Variants in IL1RAPL1 observed in about 807,000 individuals in gnomAD.
The protein encoded by IL1RAPL1 is interleukin 1 receptor accessory protein like 1.
Under a neutral mutation model 48.4 loss-of-function variants are expected in IL1RAPL1, and 3 were observed. The ratio of observed to expected loss-of-function variants is 0.06; its 90% confidence interval spans 0.03 to 0.16. IL1RAPL1 has a LOEUF of 0.16. Among genes scored for constraint, IL1RAPL1 ranks in the 10% least tolerant of loss-of-function variants. The probability of loss-of-function intolerance (pLI) is 1.00; values close to 1 mark genes in which losing one functional copy is unlikely to be tolerated. For synonymous variants in IL1RAPL1, 185 were observed against 187.7 expected (o/e 0.99, Z 0.12); for missense variants, 349 against 530.6 (o/e 0.66, Z 3.36).
chrX:29,817,357 T>A (rs761422755), intron 6 of IL1RAPL1, among the ~76,000 whole-genome samples: 1 of 112,052 alleles, frequency 8.9e-6, no homozygotes, highest in East Asian at 2.8e-4. Flanking sequence ...CAAGTATAGT[T>A]TTTCTGTTGA....
intron 2 of IL1RAPL1, among the ~76,000 whole-genome samples, chrX:29,049,718 TATTA>T (rs766255162): frequency 8.9e-6 from 1 of 112,587 alleles, no homozygotes; most frequent in East Asian, 2.8e-4. Flanking sequence ...GTTTCACATA[TATTA>T]ATTAAACTGA....
At chrX:29,680,311 G>T (rs886527206) in intron 6 of IL1RAPL1, among the ~76,000 whole-genome samples, 1 of 111,705 alleles carries the variant, frequency 9.0e-6, no homozygotes, top group Admixed American at 9.5e-5. Flanking sequence ...GGCATACAGG[G>T]TGAAGGAATA....
At chrX:29,896,234 T>C (rs185908348) in intron 6 of IL1RAPL1, among the ~76,000 whole-genome samples, 1 of 112,141 alleles carries the variant, frequency 8.9e-6, no homozygotes, top group African/African-American at 3.2e-5. Flanking sequence ...AAGGACCTCA[T>C]TACTTAGCAC....
At chrX:28,683,447 G>A (rs1407053652) in intron 1 of IL1RAPL1, among the ~76,000 whole-genome samples, 3 of 111,195 alleles carry the variant, frequency 2.7e-5, no homozygotes, top group Middle Eastern at 4.3e-3. Context: ...TTTTGAAATG[G>A]AGGAGACCTG....
chrX:29,802,886 T>C (rs191912153), intron 6 of IL1RAPL1, among the ~76,000 whole-genome samples: 327 of 84,076 alleles, frequency 3.9e-3, no homozygotes, highest in African/African-American at 0.015. Context: ...TATATGTATA[T>C]ATGTATACAT....
At chrX:29,302,324 G>C (rs1245642134) in intron 3 of IL1RAPL1, among the ~76,000 whole-genome samples, 1 of 112,019 alleles carries the variant, frequency 8.9e-6, no homozygotes, top group Non-Finnish European at 1.9e-5. Flanking sequence ...TGATATGACA[G>C]AGGTTACAAC....
intron 3 of IL1RAPL1, among the ~76,000 whole-genome samples, chrX:29,320,519 A>C (rs1424805817): frequency 8.9e-6 from 1 of 112,337 alleles, no homozygotes; most frequent in Non-Finnish European, 1.9e-5. Context: ...TCATGCCTGT[A>C]ATCCCAGCGA....
At position 28,715,805 on chromosome X, in the gene IL1RAPL1, AG is replaced by A. The variant is rs201309243; in HGVS notation, c.-24-73511del. ...GAAACTATTCCAAAAAATTGAAAAAAGGGGACTCTTCCCTAACTCATTCTAT... is the reference window on the plus strand; with the variant it reads ...GAAACTATTCCAAAAAATTGAAAAAAGGGACTCTTCCCTAACTCATTCTAT... On this transcript the variant is annotated intron_variant, in intron 1 of 10. Coordinates refer to ENST00000378993, the MANE Select transcript of IL1RAPL1 (RefSeq NM_014271.4). Among the ~76,000 whole-genome samples, 418 of 111,640 alleles carry A rather than the reference AG, an allele frequency of 3.7e-3. 5 individuals carry two copies. Among genetic ancestry groups the A allele is most frequent in the African/African-American group, 0.013 (399 of 30,730 alleles).
chrX:29,072,219 A>G (rs942259762), intron 2 of IL1RAPL1, among the ~76,000 whole-genome samples: 12 of 108,671 alleles, frequency 1.1e-4, no homozygotes, highest in Non-Finnish European at 1.9e-4. Flanking sequence ...TCCTTTACTC[A>G]TTAAGGAAAA....
chrX:29,907,866 A>G (rs1201992937), intron 6 of IL1RAPL1, among the ~76,000 whole-genome samples: 1 of 111,239 alleles, frequency 9.0e-6, no homozygotes, highest in African/African-American at 3.3e-5. Flanking sequence ...TATTGCTAGT[A>G]TAAATAGGAT....
chrX:29,679,033 C>A (rs1231935648), intron 6 of IL1RAPL1, among the ~76,000 whole-genome samples: 1 of 111,532 alleles, frequency 9.0e-6, no homozygotes, highest in African/African-American at 3.3e-5. Context: ...CTTGGACTTG[C>A]CTGTTGAAGA....
At chrX:29,568,468 C>T (rs1339411564) in intron 5 of IL1RAPL1, among the ~76,000 whole-genome samples, 1 of 110,338 alleles carries the variant, frequency 9.1e-6, no homozygotes, top group African/African-American at 3.3e-5. Flanking sequence ...ATTGTGTACA[C>T]AGGAGCTTTT....
intron 5 of IL1RAPL1, among the ~76,000 whole-genome samples, chrX:29,608,804 C>A (rs997379028): frequency 1.9e-5 from 2 of 107,010 alleles, no homozygotes; most frequent in East Asian, 5.9e-4. Context: ...CCAGCCTGGG[C>A]GACAGAGCGA....
chrX:29,729,881 G>T (rs1927873025), intron 6 of IL1RAPL1, among the ~76,000 whole-genome samples: 1 of 111,496 alleles, frequency 9.0e-6, no homozygotes, highest in Non-Finnish European at 1.9e-5. Context: ...AAAATAGCTT[G>T]GTCATGCTTG....
intron 5 of IL1RAPL1, among the ~76,000 whole-genome samples, chrX:29,566,140 C>T (rs377335163): frequency 1.5e-4 from 17 of 111,547 alleles, no homozygotes; most frequent in African/African-American, 4.2e-4. Context: ...GGGGTTTCAC[C>T]GTGTTAGCCA....
intron 1 of IL1RAPL1, among the ~76,000 whole-genome samples, chrX:28,707,944 G>A (rs931773914): frequency 2.7e-5 from 3 of 111,553 alleles, no homozygotes; most frequent in Non-Finnish European, 5.6e-5. Flanking sequence ...AGTGCGGTTG[G>A]CAGAGTGTCT....
Position 28,694,015 on chromosome X carries a change from T to C in IL1RAPL1, c.-24-95305T>C, listed in dbSNP as rs1160029534. 3.6e-5 allele frequency among the ~76,000 whole-genome samples: 4 copies of C among 112,022 alleles called. No individual in the cohort carries two copies. The East Asian group carries it at 1.1e-3, about 31-fold the overall frequency. ...ATCTTTCCTACCTCTGGTTGAGTAC[T>C]TGCCCAGTTACACTTGTCGAACACG... On this transcript the variant is annotated intron_variant, in intron 1 of 10. Coordinates refer to ENST00000378993, the MANE Select transcript of IL1RAPL1 (RefSeq NM_014271.4).
intron 1 of IL1RAPL1, among the ~76,000 whole-genome samples, chrX:28,687,794 A>AG (rs1935129087): frequency 1.9e-5 from 2 of 103,756 alleles, no homozygotes; most frequent in African/African-American, 3.6e-5. Context: ...AAAAAAAAAA[A>AG]AAAAATAAAA....
rs770352831 is a variant in IL1RAPL1 at position 29,679,010 on chromosome X, G to A, written c.778+10506G>A. Among the ~76,000 whole-genome samples, 162 of 111,692 alleles carry A rather than the reference G, an allele frequency of 1.5e-3. 1 individual carries two copies. The highest frequency in any genetic ancestry group is 5.2e-3 in the African/African-American group (160 of 30,722). ...AGTGTTTGTTTCTAGTTTAGTAAAA[G>A]CAGAGTACCCACCTTGGACTTGCCT... is the stretch of plus-strand genomic sequence containing the variant. On this transcript the variant is annotated intron_variant, in intron 6 of 10. Coordinates refer to ENST00000378993, the MANE Select transcript of IL1RAPL1 (RefSeq NM_014271.4).
Sources: gnomAD v4.1 joint callset for allele counts (sites outside exome capture counted in the v4.1 genomes callset) on GRCh38, gnomAD v4.1.1 for gene constraint, MANE v1.5 for transcripts, NCBI Gene and HGNC (gene_info 2026-07-23, HGNC 2026-07-21) for gene names.